Variants in MIA3 observed in about 807,000 individuals in gnomAD.
MIA3 encodes the protein transport and Golgi organization protein 1 homolog.
In MIA3, 90 loss-of-function variants were observed where a neutral mutation model predicts 192.4. The ratio of observed to expected loss-of-function variants is 0.47; its 90% CI spans 0.39 to 0.56. The LOEUF is 0.56. Among genes scored for constraint, MIA3 ranks in the 20% least tolerant of loss-of-function variants. The pLI, the probability that MIA3 is intolerant of heterozygous loss-of-function variation, is 0.00. For synonymous variants in MIA3, 740 were observed against 792.8 expected (o/e 0.93, Z 1.12); for missense variants, 2,123 against 2,269.4 (o/e 0.94, Z 1.31).
rs573568084 is a variant in MIA3 at position 222,647,209 on chromosome 1, A to T, written c.3609+1524A>T. On this transcript the variant is annotated intron_variant, in intron 7 of 27. Transcript: ENST00000344922. ...GTTAATTTTTTTATCTTCTGTGCAG[A>T]ATTTGCCTTTCAGACTTAAACATGT... Among the ~76,000 whole-genome samples the T allele has an allele frequency of 2.0e-5, 3 of 152,308 alleles. No individual in the cohort carries two copies. The South Asian group carries it at 6.2e-4, about 32-fold the overall frequency.
intron 4 of MIA3, 82 bp downstream of exon 4, chr1:222,630,471 C>G (rs1571869505): frequency 7.1e-7 from 1 of 1,414,144 alleles, no homozygotes; most frequent in East Asian, 2.3e-5. Context: ...TTGTGAAGCT[C>G]TGTTCAGTTT....
rs1289164507 is a variant in MIA3 at position 222,628,854 on chromosome 1, C to T, written c.1634C>T (p.Pro545Leu). 1.5e-5 allele frequency: 25 copies of T among 1,613,998 alleles called. No homozygotes were observed. Among genetic ancestry groups the T allele is most frequent in the Non-Finnish European group, 2.0e-5 (24 of 1,180,034 alleles). The stretch of plus-strand genomic sequence containing the variant: ...AAAGGAATGCTCCACGAAGAAAAGC[C>T]TGGAGAGCAGATTTTGGAAGGTGGC... ...ISKGMLHEEKPGEQILEGGSE... is the reference protein window; with the variant it reads ...ISKGMLHEEKLGEQILEGGSE... Residue 545 changes from proline to leucine, a missense_variant, in exon 4 of 28, where the codon CCT (proline) becomes CTT (leucine). This residue lies in a region of MIA3 where 1,357 missense variants were observed against 1,396.1 expected (regional missense o/e 0.97). Transcript: ENST00000344922.
At chr1:222,662,990 C>T (rs1437370905) in intron 26 of MIA3, 2 of 152,844 alleles carry the variant, frequency 1.3e-5, no homozygotes, top group Non-Finnish European at 2.9e-5. Context: ...ACAGTGTCCA[C>T]ATAAGTGTAT....
At chr1:222,622,410 A>G (rs904080079) in intron 2 of MIA3, among the ~76,000 whole-genome samples, 15 of 152,222 alleles carry the variant, frequency 9.9e-5, no homozygotes, top group African/African-American at 3.6e-4. Flanking sequence ...GTCCCAACTT[A>G]GAGAAATACC....
In MIA3 at chr1:222,665,479, C is replaced by A; in HGVS notation, c.5584C>A (p.Pro1862Thr). The A allele has an allele frequency of 6.2e-7, 1 of 1,614,016 alleles. No homozygotes were observed. The highest frequency in any genetic ancestry group is 8.5e-7 in the Non-Finnish European group (1 of 1,179,998). Reference protein sequence around the residue: ...EYFIPGTRLPPPTHGPQEYPP... With the variant: ...EYFIPGTRLPTPTHGPQEYPP... ...CTTTATTCCTGGTACCCGATTACCA[C>A]CCCCAACCCATGGTCCCCAGGAATA... Residue 1862 changes from proline (P) to threonine (T), a missense_variant, in exon 28 of 28, where the codon CCC (proline) becomes ACC (threonine). Physicochemically the swap from Pro to Thr is conservative, Grantham distance 38. Transcript: ENST00000344922.
rs1439704231 is a variant in MIA3, at chr1:222,629,052, T to A, written c.1832T>A (p.Val611Glu). ...VNGAKLHTLSVEHQREELKEE... is the reference protein window; with the variant it reads ...VNGAKLHTLSEEHQREELKEE... ...GGGGCCAAACTGCACACGCTTTCAG[T>A]GGAGCATCAACGTGAGGAATTGAAA... The change falls in exon 4 of 28, where the codon GTG (valine) becomes GAG (glutamate). Residue 611 changes from valine to glutamate, a missense_variant. Coordinates refer to ENST00000344922, the MANE Select transcript of MIA3 (RefSeq NM_198551.4). 5 of 1,614,186 alleles carry A rather than the reference T, an allele frequency of 3.1e-6. No individual in the cohort carries two copies. Among genetic ancestry groups the A allele is most frequent in the Non-Finnish European group, 4.2e-6 (5 of 1,180,026 alleles).
chr1:222,641,511 CT>C (rs2124877567), intron 6 of MIA3: 2 of 497,038 alleles, frequency 4.0e-6, no homozygotes, highest in South Asian at 3.0e-5. Flanking sequence ...TCCTGGAGAG[CT>C]GGTGGATTTT....
chr1:222,653,281 T>C lies in MIA3; in HGVS notation c.4263T>C (p.Ser1421=). 6.2e-7 allele frequency: 1 copy of C among 1,614,054 alleles called. No individual in the cohort carries two copies. The highest frequency in any genetic ancestry group is 8.5e-7 in the Non-Finnish European group (1 of 1,179,910). The change falls in exon 15 of 28, where the codon TCT becomes TCC. Residue 1421 remains serine, a synonymous_variant. Coordinates refer to ENST00000344922, the MANE Select transcript of MIA3 (RefSeq NM_198551.4). ...QLNLLECESE[S]EGQNKGGNDS... is the part of the protein sequence containing the mutation. ...ATCTGTTAGAGTGTGAATCTGAATC[T>C]GAGGGTCAAAATAAAGGTGGAAATG...
chr1:222,660,442 C>T, intron 24 of MIA3, 128 bp downstream of exon 24: 2 of 817,228 alleles, frequency 2.4e-6, no homozygotes, highest in Non-Finnish European at 3.5e-6. Context: ...CTTAATTTGT[C>T]TTGGTGGATT....
rs1662859541 is a variant in MIA3 at position 222,641,673 on chromosome 1, TGGGAGGA to T, written c.3478-3879_3478-3873del. 1.4e-4 allele frequency: 77 copies of T among 543,512 alleles called. 1 individual carries two copies. Among genetic ancestry groups the T allele is most frequent in the South Asian group, 1.0e-3 (74 of 72,362 alleles). 33.7% of individuals were successfully genotyped at this position (543,512 alleles called of 1,614,324 possible). ...CAGGGACATATATTAAACTCGTCAG[TGGGAGGA>T]GTAATTCTCTTCCCTCATTGTTCTC... On this transcript the variant is annotated intron_variant, in intron 6 of 27. Coordinates refer to ENST00000344922, the MANE Select transcript of MIA3 (RefSeq NM_198551.4).
chr1:222,652,288 C>T lies in MIA3; in HGVS notation c.4042C>T (p.Arg1348Trp), dbSNP rs756617709. 8 of 1,613,748 alleles carry T rather than the reference C, an allele frequency of 5.0e-6. No homozygotes were observed. The highest frequency in any genetic ancestry group is 3.3e-5 in the South Asian group (3 of 91,052). Reference protein sequence around the residue: ...SEEKVKSECHRVQEENARLKK... With the variant: ...SEEKVKSECHWVQEENARLKK... ...AGAGAAGGTGAAGTCTGAATGCCAT[C>T]GGGTTCAAGAAGAAAATGCTAGGCT... The change falls in exon 13 of 28, where the codon CGG (arginine) becomes TGG (tryptophan). Residue 1348 changes from arginine (R) to tryptophan (W), a missense_variant. By Grantham distance (101) the Arg-to-Trp change is moderately radical. Transcript: ENST00000344922.
intron 6 of MIA3, among the ~76,000 whole-genome samples, chr1:222,640,973 C>T (rs370391023): frequency 6.6e-6 from 1 of 152,230 alleles, no homozygotes; most frequent in South Asian, 2.1e-4. Flanking sequence ...AAAATGTTCA[C>T]CATAATTATC....
chr1:222,662,000 A>G, intron 24 of MIA3, 56 bp from the exon 25 acceptor site: 1 of 1,444,848 alleles, frequency 6.9e-7, no homozygotes, highest in Non-Finnish European at 9.7e-7. Flanking sequence ...ATCTGTCCAC[A>G]ATTTATTATT....
intron 2 of MIA3, among the ~76,000 whole-genome samples, chr1:222,621,750 C>G (rs1661866614): frequency 6.6e-6 from 1 of 151,194 alleles, no homozygotes; most frequent in Non-Finnish European, 1.5e-5. Context: ...CCCTAATCAT[C>G]TGTGCTATTA....
rs1571868354 is a variant in MIA3 at position 222,629,859 on chromosome 1, A to G, written c.2639A>G (p.His880Arg). The part of the protein sequence containing the change: ...EPEGELSKED[H>R]ENTEKYMGTE... The stretch of plus-strand genomic sequence containing the variant: ...GAGGGAGAACTCTCAAAAGAGGACC[A>G]TGAGAACACAGAGAAGTACATGGGC... Residue 880 changes from histidine to arginine, a missense_variant, in exon 4 of 28, where the codon CAT (histidine) becomes CGT (arginine). Coordinates refer to ENST00000344922, the MANE Select transcript of MIA3 (RefSeq NM_198551.4). 4 of 1,613,858 alleles carry G rather than the reference A, an allele frequency of 2.5e-6. No individual in the cohort carries two copies. Among genetic ancestry groups the G allele is most frequent in the Non-Finnish European group, 3.4e-6 (4 of 1,179,968 alleles).
intron 13 of MIA3, 117 bp from the exon 14 acceptor site, chr1:222,652,891 C>A: frequency 8.7e-7 from 1 of 1,155,156 alleles, no homozygotes; most frequent in Non-Finnish European, 1.2e-6. Context: ...GGTCTTAGCC[C>A]ATAGTGATAG....
chr1:222,644,289 G>A, intron 6 of MIA3: 1 of 1,407,210 alleles, frequency 7.1e-7, no homozygotes, highest in Non-Finnish European at 9.3e-7. Context: ...GGTGCGCCAG[G>A]GGCAGTGGCT....
At chr1:222,646,942 GT>G (rs1663176501) in intron 7 of MIA3, among the ~76,000 whole-genome samples, 1 of 152,074 alleles carries the variant, frequency 6.6e-6, no homozygotes, top group African/African-American at 2.4e-5. Flanking sequence ...TAGAAAAAAA[GT>G]AGAAACCAAG....
At position 222,665,486 on chromosome 1, in the gene MIA3, C is replaced by A; in HGVS notation, c.5591C>A (p.Thr1864Asn). The A allele has an allele frequency of 5.0e-6, 8 of 1,614,062 alleles. No individual in the cohort carries two copies. Among genetic ancestry groups the A allele is most frequent in the Non-Finnish European group, 6.8e-6 (8 of 1,179,996 alleles). ...FIPGTRLPPP[T>N]HGPQEYPPPP... ...CCTGGTACCCGATTACCACCCCCAA[C>A]CCATGGTCCCCAGGAATACCCACCA... Residue 1864 changes from threonine to asparagine, a missense_variant, in exon 28 of 28, where the codon ACC becomes AAC. Thr to Asn is a moderately conservative substitution (Grantham distance 65, BLOSUM62 0). Around this residue, in one of 3 missense-constraint regions of MIA3, gnomAD observed 762 missense variants for 856.4 expected, o/e 0.89. Coordinates refer to ENST00000344922, the MANE Select transcript of MIA3 (RefSeq NM_198551.4).
Sources: gnomAD v4.1 joint callset for allele counts (sites outside exome capture counted in the v4.1 genomes callset) on GRCh38, gnomAD v4.1.1 for gene constraint, gnomAD v4.1.1 regional missense constraint, MANE v1.5 for transcripts, NCBI Gene and HGNC (gene_info 2026-07-23, HGNC 2026-07-21) for gene names.